SPAG1: variants seen among roughly 807,000 people sequenced by gnomAD.
The protein encoded by SPAG1 is sperm-associated antigen 1.
SPAG1 carries 69 observed loss-of-function variants against 100.5 expected under a neutral mutation model. The observed-to-expected ratio is 0.69, with a 90% CI of 0.57 to 0.84. The LOEUF is 0.84. SPAG1 is among the 40% of genes least tolerant of loss of function. SPAG1 has a pLI of 0.00. For synonymous variants in SPAG1, 336 were observed against 411.6 expected (o/e 0.82, Z 2.22); for missense variants, 955 against 1,133.1 (o/e 0.84, Z 2.26).
At chr8:100,187,018 T>C (rs201301349) in intron 7 of SPAG1, 102 bp from the exon 8 acceptor site, 4 of 1,135,096 alleles carry the variant, frequency 3.5e-6, no homozygotes, top group Non-Finnish European at 3.7e-6. Flanking sequence ...ATTCAGCCCA[T>C]AGACAGGTTA....
intron 3 of SPAG1, among the ~76,000 whole-genome samples, chr8:100,175,282 TTC>T: frequency 6.8e-6 from 1 of 146,398 alleles, no homozygotes; most frequent in Non-Finnish European, 1.5e-5. Context: ...TGCAGTGAAG[TTC>T]TTTTTTTTTT....
chr8:100,198,028 T>G (rs1277225491), intron 10 of SPAG1, among the ~76,000 whole-genome samples: 1 of 152,168 alleles, frequency 6.6e-6, no homozygotes, highest in Non-Finnish European at 1.5e-5. Context: ...GAAGTGGCCA[T>G]TACCATACAG....
chr8:100,229,077 A>G (rs1216806081), intron 14 of SPAG1, among the ~76,000 whole-genome samples: 8 of 152,148 alleles, frequency 5.3e-5, no homozygotes, highest in Non-Finnish European at 1.2e-4. Context: ...TCAGTGTCCA[A>G]AGAGAGAGAG....
At chr8:100,235,673 C>T (rs1818972238) in intron 16 of SPAG1, among the ~76,000 whole-genome samples, 1 of 152,086 alleles carries the variant, frequency 6.6e-6, no homozygotes, top group East Asian at 1.9e-4. Context: ...AAATGAGGAC[C>T]ACCCAGGTGC....
At chr8:100,194,448 C>A in intron 10 of SPAG1, 180 bp downstream of exon 10, 1 of 822,110 alleles carries the variant, frequency 1.2e-6, no homozygotes, top group Non-Finnish European at 1.9e-6. Context: ...ATCTCTCAAA[C>A]CCATTTTCCT....
chr8:100,239,354 A>T lies in SPAG1; in HGVS notation c.2230A>T (p.Thr744Ser). 1 of 1,605,518 alleles carries T rather than the reference A, an allele frequency of 6.2e-7. No individual in the cohort carries two copies. Among genetic ancestry groups the T allele is most frequent in the East Asian group, 2.2e-5 (1 of 44,804 alleles). Residue 744 changes from threonine (T) to serine (S), a missense_variant, in exon 17 of 19, where the codon ACA (threonine) becomes TCA (serine). Thr to Ser is a moderately conservative substitution (Grantham distance 58). Coordinates refer to ENST00000388798, the MANE Select transcript of SPAG1 (RefSeq NM_003114.5). The surrounding 1 kb of genome is among the most constrained non-coding windows in gnomAD (Gnocchi z 5.0). ...TAGACTCCTTAATCTTAAGGATAAG[A>T]CAGCACCATTCAACAAAGAAAAGGA... ...VTRLLNLKDK[T>S]APFNKEKERR... is the part of the protein sequence containing the mutation.
intron 9 of SPAG1, among the ~76,000 whole-genome samples, chr8:100,192,714 C>T (rs919350639): frequency 3.3e-5 from 5 of 152,160 alleles, no homozygotes; most frequent in African/African-American, 1.2e-4. Flanking sequence ...CTTAGTATTT[C>T]CTTTTTGTAA....
At chr8:100,167,902 A>C (rs1308331695) in intron 3 of SPAG1, among the ~76,000 whole-genome samples, 1 of 152,220 alleles carries the variant, frequency 6.6e-6, no homozygotes, top group Admixed American at 6.5e-5. Context: ...ATATAAATGT[A>C]ATCATACAGT....
intron 1 of SPAG1, chr8:100,158,934 ACT>A (rs1815186544): frequency 6.7e-6 from 1 of 148,156 alleles, no homozygotes; most frequent in African/African-American, 2.5e-5. Context: ...TCCTCGTTGT[ACT>A]CTTTCTCCCC....
intron 10 of SPAG1, among the ~76,000 whole-genome samples, chr8:100,198,914 G>A (rs949901798): frequency 6.6e-6 from 1 of 152,138 alleles, no homozygotes; most frequent in Non-Finnish European, 1.5e-5. Flanking sequence ...TTCACTTAAT[G>A]TTTTCAAGGT....
intron 16 of SPAG1, among the ~76,000 whole-genome samples, chr8:100,238,941 A>G (rs2132442065): frequency 6.6e-6 from 1 of 152,344 alleles, no homozygotes; most frequent in East Asian, 1.9e-4. Flanking sequence ...TTATTCATTC[A>G]GCAAGCAACA....
intron 12 of SPAG1, 60 bp from the exon 13 acceptor site, chr8:100,220,219 A>G (rs111381722): frequency 7.1e-7 from 1 of 1,398,724 alleles, no homozygotes; most frequent in Non-Finnish European, 9.9e-7. Context: ...TATTCAGTGA[A>G]GTATAAACGA....
intron 10 of SPAG1, among the ~76,000 whole-genome samples, chr8:100,205,668 G>A (rs966348477): frequency 1.6e-4 from 25 of 151,984 alleles, no homozygotes; most frequent in African/African-American, 6.0e-4. Context: ...AAATAATATC[G>A]CATCCCTGGA....
chr8:100,169,988 A>T (rs981000161), intron 3 of SPAG1, among the ~76,000 whole-genome samples: 2 of 151,820 alleles, frequency 1.3e-5, no homozygotes, highest in African/African-American at 4.8e-5. Flanking sequence ...AGGCTGGAAA[A>T]AAAAAAGAGA....
rs1819278624 is a variant in SPAG1, at chr8:100,241,706, TAAAGC to T, written c.*688_*692del. Reference sequence around the variant, plus strand: ...ATAAGCAAAAAACCAACCACTGTATTAAAGCAAACTAAGCCTGCATTTATATCTGA... The same window carrying T: ...ATAAGCAAAAAACCAACCACTGTATTAAACTAAGCCTGCATTTATATCTGA... On this transcript the variant is annotated 3_prime_UTR_variant, in exon 19 of 19. Coordinates refer to ENST00000388798, the MANE Select transcript of SPAG1 (RefSeq NM_003114.5). This position sits in a 1 kb window ranked among gnomAD's most constrained non-coding sequence, Gnocchi z 5.1. The T allele has an allele frequency of 6.6e-6, 1 of 152,194 alleles. No individual in the cohort carries two copies. Among genetic ancestry groups the T allele is most frequent in the South Asian group, 2.1e-4 (1 of 4,830 alleles). 9.4% of individuals were successfully genotyped at this position (152,194 alleles called of 1,614,324 possible).
intron 12 of SPAG1, among the ~76,000 whole-genome samples, chr8:100,219,294 A>C (rs1388153568): frequency 6.6e-6 from 1 of 152,246 alleles, no homozygotes; most frequent in Non-Finnish European, 1.5e-5. Context: ...TACTTGTTAT[A>C]TTAACTGTTT....
At chr8:100,204,055 TCCCCATAC>T (rs1158448488) in intron 10 of SPAG1, among the ~76,000 whole-genome samples, 7 of 152,096 alleles carry the variant, frequency 4.6e-5, no homozygotes, top group Admixed American at 4.6e-4. Context: ...AGGAACAGAT[TCCCCATAC>T]CCAGTAGTGG....
chr8:100,166,021 A>T lies in SPAG1; in HGVS notation c.300+48A>T, dbSNP rs769146587. 4 of 1,476,220 alleles carry T rather than the reference A, an allele frequency of 2.7e-6. No individual in the cohort carries two copies. The South Asian group carries it at 4.9e-5, about 18-fold the overall frequency. The allele number at this position is 1,476,220 out of a possible 1,614,324, so 91.4% of individuals were successfully genotyped here. A position where few individuals can be genotyped will look rare whatever the true frequency, so the allele number is the denominator to read the frequency against. ...CATAGATATTGTTGAGACATTCTAT[A>T]TATGTTTACTTCACTTATCGGAAAT... On this transcript the variant is annotated intron_variant, in intron 3 of 18. Coordinates refer to ENST00000388798, the MANE Select transcript of SPAG1 (RefSeq NM_003114.5).
At chr8:100,160,385 G>C (rs1188323022) in intron 1 of SPAG1, among the ~76,000 whole-genome samples, 1 of 152,182 alleles carries the variant, frequency 6.6e-6, no homozygotes, top group African/African-American at 2.4e-5. Flanking sequence ...CCAGCACTTT[G>C]GGAGGCCAAG....
Sources: gnomAD v4.1 joint callset for allele counts (sites outside exome capture counted in the v4.1 genomes callset) on GRCh38, gnomAD v4.1.1 for gene constraint, Gnocchi (gnomAD v3.1) non-coding constraint, MANE v1.5 for transcripts, NCBI Gene and HGNC (gene_info 2026-07-23, HGNC 2026-07-21) for gene names.